PTPRD: variants seen among roughly 807,000 people sequenced by gnomAD.
PTPRD encodes the protein receptor-type tyrosine-protein phosphatase delta.
Under a neutral mutation model 214.5 loss-of-function variants are expected in PTPRD, and 34 were observed. The observed-to-expected ratio is 0.16, with a 90% CI of 0.12 to 0.21. The LOEUF (loss-of-function observed/expected upper bound fraction) is 0.21. Ranked by LOEUF, PTPRD falls within the 10% of genes least tolerant of loss-of-function variation. The pLI is 1.00. For missense variants in PTPRD, 2,545 were observed against 2,398.7 expected (o/e 1.06, Z -1.27); for synonymous variants, 1,128 against 845.7 (o/e 1.33, Z -5.79).
intron 9 of PTPRD, among the ~76,000 whole-genome samples, chr9:9,247,816 T>G (rs1344711150): frequency 6.6e-6 from 1 of 152,086 alleles, no homozygotes; most frequent in Non-Finnish European, 1.5e-5. Context: ...GGCAGCTAAA[T>G]TTTTACAAGT....
intron 3 of PTPRD, among the ~76,000 whole-genome samples, chr9:10,179,610 T>C (rs955359753): frequency 2.0e-5 from 3 of 152,092 alleles, no homozygotes; most frequent in Non-Finnish European, 4.4e-5. Flanking sequence ...ATATGATAAC[T>C]TACATTTATT....
chr9:10,296,004 A>G (rs571056913), intron 3 of PTPRD, among the ~76,000 whole-genome samples: 1 of 152,162 alleles, frequency 6.6e-6, no homozygotes, highest in East Asian at 1.9e-4. Context: ...AGTGATTCTA[A>G]AGGACAGACA....
intron 2 of PTPRD, among the ~76,000 whole-genome samples, chr9:10,389,707 C>T (rs917255944): frequency 1.6e-4 from 24 of 151,790 alleles, no homozygotes; most frequent in Non-Finnish European, 4.4e-5. Context: ...TGATTTTCTC[C>T]ATACCACTCA....
chr9:8,791,277 G>A (rs944846957), intron 11 of PTPRD, among the ~76,000 whole-genome samples: 3 of 152,006 alleles, frequency 2.0e-5, no homozygotes, highest in Non-Finnish European at 4.4e-5. Context: ...CCAGGCTGGA[G>A]TGCAGTGGCG....
rs73431632 is a variant in PTPRD, at chr9:8,739,864, C to T, written c.-103-5918G>A. On this transcript the variant is annotated intron_variant, in intron 11 of 45. Coordinates refer to ENST00000381196, the MANE Select transcript of PTPRD (RefSeq NM_002839.4). The stretch of plus-strand genomic sequence containing the variant: ...TAAGTCTCATGAGATCTGATGATTA[C>T]GTAAGGGGGAGTTTCCGGGCACAAG... 3.1e-3 allele frequency among the ~76,000 whole-genome samples: 476 copies of T among 152,164 alleles called. 3 individuals carry two copies. Among genetic ancestry groups the T allele is most frequent in the African/African-American group, 0.011 (460 of 41,510 alleles).
chr9:10,269,066 G>A (rs1400013775), intron 3 of PTPRD, among the ~76,000 whole-genome samples: 1 of 152,028 alleles, frequency 6.6e-6, no homozygotes, highest in African/African-American at 2.4e-5. Flanking sequence ...GCTTTAAGAG[G>A]AAACTAAAAG....
intron 39 of PTPRD, among the ~76,000 whole-genome samples, chr9:8,353,731 G>T (rs2076134257): frequency 6.6e-6 from 1 of 151,672 alleles, no homozygotes; most frequent in Non-Finnish European, 1.5e-5. Flanking sequence ...ACTGCACCCA[G>T]CCAGTACTGC....
intron 9 of PTPRD, among the ~76,000 whole-genome samples, chr9:9,381,905 TAAAA>T (rs35036506): frequency 0.24 from 35,086 of 145,898 alleles, 4,169 homozygotes; most frequent in Middle Eastern, 0.38. Flanking sequence ...ACTATTTCTG[TAAAA>T]AAAAAAAAAT....
At chr9:8,821,779 C>T (rs1335268686) in intron 11 of PTPRD, among the ~76,000 whole-genome samples, 2 of 152,192 alleles carry the variant, frequency 1.3e-5, no homozygotes, top group African/African-American at 2.4e-5. Context: ...AATTCTCTGC[C>T]TCAGCCTCCC....
chr9:9,588,317 G>A (rs918149899), intron 7 of PTPRD, among the ~76,000 whole-genome samples: 1 of 151,818 alleles, frequency 6.6e-6, no homozygotes, highest in East Asian at 1.9e-4. Context: ...TTTATTCATG[G>A]CAATGTTTGC....
At chr9:9,024,845 T>C (rs2099581853) in intron 10 of PTPRD, among the ~76,000 whole-genome samples, 1 of 151,922 alleles carries the variant, frequency 6.6e-6, no homozygotes, top group South Asian at 2.1e-4. Flanking sequence ...AAAAGACCAA[T>C]AATGAGTTTA....
At position 8,929,757 on chromosome 9, in the gene PTPRD, G is replaced by GTGTATATATATATGTGTA. The variant is rs761452912; in HGVS notation, c.-104+88939_-104+88940insTACACATATATATATACA. ...TGTATATATATGTGTATATATATAT[G>GTGTATATATATATGTGTA]TATATATATGTGTATATATATGGGT... is the stretch of plus-strand genomic sequence containing the variant. On this transcript the variant is annotated intron_variant, in intron 11 of 45. Coordinates refer to ENST00000381196, the MANE Select transcript of PTPRD (RefSeq NM_002839.4). Among the ~76,000 whole-genome samples the GTGTATATATATATGTGTA allele has an allele frequency of 5.7e-4, 32 of 56,560 alleles. 1 individual carries two copies. Among genetic ancestry groups the GTGTATATATATATGTGTA allele is most frequent in the African/African-American group, 1.0e-3 (13 of 12,994 alleles). 37.1% of individuals were successfully genotyped at this position (56,560 alleles called of 152,430 possible).
chr9:8,915,761 G>T (rs980754403), intron 11 of PTPRD, among the ~76,000 whole-genome samples: 10 of 152,124 alleles, frequency 6.6e-5, no homozygotes, highest in African/African-American at 1.9e-4. Context: ...TTGAGAAAGG[G>T]TCTACTTAGG....
rs78010239 is a variant in PTPRD, at chr9:10,430,702, T to C, written c.-599-89685A>G. On this transcript the variant is annotated intron_variant, in intron 2 of 45. Coordinates refer to ENST00000381196, the MANE Select transcript of PTPRD (RefSeq NM_002839.4). ...TAAAAATATATAACTGAAATATACTTATAGAAATCTATTATTAGTTAATAT... is the reference window on the plus strand; with the variant it reads ...TAAAAATATATAACTGAAATATACTCATAGAAATCTATTATTAGTTAATAT... Among the ~76,000 whole-genome samples, 34 of 152,026 alleles carry C rather than the reference T, an allele frequency of 2.2e-4. 1 individual carries two copies. In the East Asian group the frequency reaches 5.6e-3, roughly 25 times the overall value.
chr9:9,814,361 A>T (rs1266239149), intron 5 of PTPRD, among the ~76,000 whole-genome samples: 2 of 151,692 alleles, frequency 1.3e-5, no homozygotes, highest in African/African-American at 4.8e-5. Flanking sequence ...TATTTGTTTG[A>T]AAATGACTTC....
At chr9:8,565,336 C>G (rs1406193481) in intron 14 of PTPRD, among the ~76,000 whole-genome samples, 1 of 152,214 alleles carries the variant, frequency 6.6e-6, no homozygotes, top group Non-Finnish European at 1.5e-5. Flanking sequence ...TTCCTATAGA[C>G]TGCTTTCATG....
chr9:9,330,355 A>C (rs1229430753), intron 9 of PTPRD, among the ~76,000 whole-genome samples: 9 of 152,166 alleles, frequency 5.9e-5, no homozygotes, highest in Non-Finnish European at 1.5e-5. Flanking sequence ...ATACATATAC[A>C]TATTCTCTCC....
At chr9:8,831,039 G>A (rs547139616) in intron 11 of PTPRD, among the ~76,000 whole-genome samples, 36 of 152,126 alleles carry the variant, frequency 2.4e-4, no homozygotes, top group Non-Finnish European at 4.6e-4. Context: ...ACCTAAGATA[G>A]GCACTTAGAA....
At position 9,183,947 on chromosome 9, in the gene PTPRD, T is replaced by C. The variant is rs534485622; in HGVS notation, c.-202-584A>G. ...AAAAGATCCACACCTCTGAAACATA[T>C]AAAAAGGCACAATGTCTTAATTTCT... is the stretch of plus-strand genomic sequence containing the variant. On this transcript the variant is annotated intron_variant, in intron 9 of 45. Transcript: ENST00000381196. Among the ~76,000 whole-genome samples the C allele has an allele frequency of 3.9e-5, 6 of 152,180 alleles. No homozygotes were observed. The East Asian group carries it at 1.2e-3, about 29-fold the overall frequency.
Sources: gnomAD v4.1 joint callset for allele counts (sites outside exome capture counted in the v4.1 genomes callset) on GRCh38, gnomAD v4.1.1 for gene constraint, MANE v1.5 for transcripts, NCBI Gene and HGNC (gene_info 2026-07-23, HGNC 2026-07-21) for gene names.